Variants in DGCR8 observed in about 807,000 individuals in gnomAD.
DGCR8 encodes microprocessor complex subunit DGCR8.
A neutral mutation model predicts 78.5 loss-of-function variants in DGCR8; 14 were observed. That is an observed-to-expected ratio of 0.18 (90% CI 0.12 to 0.28). The LOEUF is 0.28. Ranked by LOEUF, DGCR8 falls within the 10% of genes least tolerant of loss-of-function variation. The pLI is 1.00. For synonymous variants in DGCR8, 399 were observed against 402.4 expected (o/e 0.99, Z 0.10); for missense variants, 702 against 1,022.5 (o/e 0.69, Z 4.28).
At position 20,087,020 on chromosome 22, in the gene DGCR8, G is replaced by A; in HGVS notation, c.721-142G>A. 8.9e-7 allele frequency: 1 copy of A among 1,122,146 alleles called. No homozygotes were observed. The highest frequency in any genetic ancestry group is 1.3e-6 in the Non-Finnish European group (1 of 791,532). 69.5% of individuals were successfully genotyped at this position (1,122,146 alleles called of 1,614,324 possible). A position where few individuals can be genotyped will look rare whatever the true frequency, so the allele number is the denominator to read the frequency against. On this transcript the variant is annotated intron_variant, in intron 2 of 13. Transcript: ENST00000351989. The surrounding 1 kb of genome is among the most constrained non-coding windows in gnomAD (Gnocchi z 4.1). ...GTAGCTTCATCCTGTTTGTTTTTCA[G>A]ATGATCATGCACCCTAAGGGCACAT... is the stretch of plus-strand genomic sequence containing the variant.
At chr22:20,106,141 T>C in intron 9 of DGCR8, 36 bp from the exon 10 acceptor site, 1 of 1,588,194 alleles carries the variant, frequency 6.3e-7, no homozygotes, top group South Asian at 1.1e-5. Flanking sequence ...CCGGTGGGCC[T>C]GGTGGGGACT....
At chr22:20,102,982 A>G (rs894498345) in intron 9 of DGCR8, among the ~76,000 whole-genome samples, 2 of 152,108 alleles carry the variant, frequency 1.3e-5, no homozygotes, top group Non-Finnish European at 2.9e-5. Flanking sequence ...AAATACAAAA[A>G]TTAGGTGGGC....
intron 9 of DGCR8, among the ~76,000 whole-genome samples, chr22:20,104,713 G>A (rs1223974468): frequency 2.0e-5 from 3 of 152,254 alleles, no homozygotes; most frequent in Admixed American, 1.3e-4. Context: ...GAGAGGAGCA[G>A]TGTCTTCTGG....
chr22:20,086,451 C>G lies in DGCR8; in HGVS notation c.488C>G (p.Pro163Arg), dbSNP rs767022640. ...GTCAGTGGGGACGTGCATGCTTGTCCCTTTGGCGGGAGTGTTGGTGACGGG... is the reference window on the plus strand; with the variant it reads ...GTCAGTGGGGACGTGCATGCTTGTCGCTTTGGCGGGAGTGTTGGTGACGGG... ...SPVSGDVHAC[P>R]FGGSVGDGVG... The change falls in exon 2 of 14, where the codon CCC (proline) becomes CGC (arginine). Residue 163 changes from proline to arginine, a missense_variant. Around this residue, in one of 4 missense-constraint regions of DGCR8, gnomAD observed 356 missense variants for 448.9 expected, o/e 0.79. Transcript: ENST00000351989. This position sits in a 1 kb window ranked among gnomAD's most constrained non-coding sequence, Gnocchi z 6.4. 1.2e-6 allele frequency: 2 copies of G among 1,613,810 alleles called. No individual in the cohort carries two copies. The highest frequency in any genetic ancestry group is 4.5e-5 in the East Asian group (2 of 44,856).
intron 9 of DGCR8, chr22:20,101,792 G>A: frequency 2.0e-6 from 2 of 985,378 alleles, no homozygotes; most frequent in South Asian, 9.4e-5. Context: ...CCTGTGCAGA[G>A]GTGCCAACAC....
In DGCR8 at chr22:20,087,239, A is replaced by C. The variant is rs776862705; in HGVS notation, c.798A>C (p.Lys266Asn). The C allele has an allele frequency of 5.6e-6, 9 of 1,614,104 alleles. No homozygotes were observed. Among genetic ancestry groups the C allele is most frequent in the Non-Finnish European group, 7.6e-6 (9 of 1,179,962 alleles). ...CAPKKRRTEE[K>N]YGGDSDHPSD... ...CCAAAAAGAGGCGAACAGAGGAAAA[A>C]TATGGCGGAGACAGCGACCATCCGT... Residue 266 changes from lysine (K) to asparagine (N), a missense_variant, in exon 3 of 14, where the codon AAA becomes AAC. By Grantham distance (94) the Lys-to-Asn change is moderately conservative (BLOSUM62 0). Around this residue, in one of 4 missense-constraint regions of DGCR8, gnomAD observed 356 missense variants for 448.9 expected, o/e 0.79. Coordinates refer to ENST00000351989, the MANE Select transcript of DGCR8 (RefSeq NM_022720.7). The surrounding 1 kb of genome is among the most constrained non-coding windows in gnomAD (Gnocchi z 4.1).
chr22:20,111,019 A>C lies in DGCR8; in HGVS notation c.*911A>C. ...GAGAGTAGAAGGTAGATTTGGAATC[A>C]TGCATTTTAGCAAGTGGACTTGTTG... On this transcript the variant is annotated 3_prime_UTR_variant, in exon 14 of 14. Transcript: ENST00000351989. 2.5e-6 allele frequency: 1 copy of C among 397,614 alleles called. No individual in the cohort carries two copies. The highest frequency in any genetic ancestry group is 4.4e-6 in the Non-Finnish European group (1 of 225,962). 24.6% of individuals were successfully genotyped at this position (397,614 alleles called of 1,614,324 possible). A position where few individuals can be genotyped will look rare whatever the true frequency, so the allele number is the denominator to read the frequency against.
rs2049850193 is a variant in DGCR8, at chr22:20,111,706, G to GCGGGGGCCCCCCC, written c.*1599_*1600insGGGGGCCCCCCCC. ...TGCCATACTCTTGTGGTCTCTGTGCGCCCCCCCCCCCCCCCCACCCGTCTG... is the reference window on the plus strand; with the variant it reads ...TGCCATACTCTTGTGGTCTCTGTGCGCGGGGGCCCCCCCCCCCCCCCCCCCCCCCACCCGTCTG... On this transcript the variant is annotated 3_prime_UTR_variant, in exon 14 of 14. Transcript: ENST00000351989. The GCGGGGGCCCCCCC allele has an allele frequency of 3.2e-5, 2 of 63,040 alleles. No individual in the cohort carries two copies. The highest frequency in any genetic ancestry group is 3.0e-5 in the Non-Finnish European group (1 of 33,560). The allele number at this position is 63,040 out of a possible 1,614,324, so 3.9% of individuals were successfully genotyped here.
intron 8 of DGCR8, among the ~76,000 whole-genome samples, chr22:20,093,705 A>G (rs965547555): frequency 1.3e-5 from 2 of 152,220 alleles, no homozygotes; most frequent in African/African-American, 4.8e-5. Context: ...GGCACAGCGC[A>G]GCTCTGGGAA....
At position 20,086,753 on chromosome 22, in the gene DGCR8, C is replaced by T; in HGVS notation, c.720+70C>T. On this transcript the variant is annotated intron_variant, in intron 2 of 13. Coordinates refer to ENST00000351989, the MANE Select transcript of DGCR8 (RefSeq NM_022720.7). The surrounding 1 kb of genome is among the most constrained non-coding windows in gnomAD (Gnocchi z 6.4). ...AAGAGAGATTTGGGAATTGCAGCAT[C>T]TTTTGAAAGCAGGGAAATTAAAAAA... 1 of 1,336,804 alleles carries T rather than the reference C, an allele frequency of 7.5e-7. No individual in the cohort carries two copies. The highest frequency in any genetic ancestry group is 1.0e-6 in the Non-Finnish European group (1 of 992,106). 82.8% of individuals were successfully genotyped at this position (1,336,804 alleles called of 1,614,324 possible).
In DGCR8 at chr22:20,110,456, C is replaced by T. The variant is rs573136455; in HGVS notation, c.*348C>T. 5 of 226,614 alleles carry T rather than the reference C, an allele frequency of 2.2e-5. No homozygotes were observed. Among genetic ancestry groups the T allele is most frequent in the South Asian group, 8.9e-5 (1 of 11,176 alleles). The allele number at this position is 226,614 out of a possible 1,614,324, so 14.0% of individuals were successfully genotyped here. ...TTCATGAATTTTAGTATGTAATACG[C>T]ACTGACGACACATGATGCTTGGATG... On this transcript the variant is annotated 3_prime_UTR_variant, in exon 14 of 14. Transcript: ENST00000351989.
At position 20,086,258 on chromosome 22, in the gene DGCR8, G is replaced by T; in HGVS notation, c.295G>T (p.Ala99Ser). Residue 99 changes from alanine (A) to serine (S), a missense_variant, in exon 2 of 14, where the codon GCC becomes TCC. Coordinates refer to ENST00000351989, the MANE Select transcript of DGCR8 (RefSeq NM_022720.7). This position sits in a 1 kb window ranked among gnomAD's most constrained non-coding sequence, Gnocchi z 6.4. ...CTGTAGTGGCCACAGCCCGCGCACC[G>T]CCCGGCACGCACCTGCGGTCCGGAA... ...PNCSGHSPRT[A>S]RHAPAVRKFS... 1 of 1,614,174 alleles carries T rather than the reference G, an allele frequency of 6.2e-7. No homozygotes were observed. The highest frequency in any genetic ancestry group is 8.5e-7 in the Non-Finnish European group (1 of 1,180,044).
chr22:20,103,086 C>T (rs1016513673), intron 9 of DGCR8, among the ~76,000 whole-genome samples: 4 of 151,278 alleles, frequency 2.6e-5, no homozygotes, highest in African/African-American at 9.7e-5. Flanking sequence ...GGCAGTGAGC[C>T]GAGATTGTGC....
At chr22:20,104,498 G>C (rs1402477236) in intron 9 of DGCR8, among the ~76,000 whole-genome samples, 1 of 152,142 alleles carries the variant, frequency 6.6e-6, no homozygotes, top group Non-Finnish European at 1.5e-5. Flanking sequence ...ACTTCTGAGC[G>C]TGCTCTCTAG....
rs778203316 is a variant in DGCR8 at position 20,085,858 on chromosome 22, G to T, written c.-106G>T. ...GACTAAGCCGCCAGCGCACAGCGCGGCAGGACGCGCCCGGGTCTCAGCGGA... is the reference window on the plus strand; with the variant it reads ...GACTAAGCCGCCAGCGCACAGCGCGTCAGGACGCGCCCGGGTCTCAGCGGA... On this transcript the variant is annotated 5_prime_UTR_variant, in exon 2 of 14. Coordinates refer to ENST00000351989, the MANE Select transcript of DGCR8 (RefSeq NM_022720.7). This position sits in a 1 kb window ranked among gnomAD's most constrained non-coding sequence, Gnocchi z 6.2. The T allele has an allele frequency of 1.3e-6, 2 of 1,498,394 alleles. No individual in the cohort carries two copies. Among genetic ancestry groups the T allele is most frequent in the Non-Finnish European group, 8.8e-7 (1 of 1,131,318 alleles). The allele number at this position is 1,498,394 out of a possible 1,614,324, so 92.8% of individuals were successfully genotyped here.
intron 9 of DGCR8, chr22:20,101,138 C>T: frequency 2.2e-6 from 2 of 930,146 alleles, no homozygotes; most frequent in Non-Finnish European, 2.6e-6. Flanking sequence ...ACAAACCTAG[C>T]ACTCAGGAAA....
At chr22:20,091,343 G>A (rs2049557254) in intron 5 of DGCR8, 92 bp from the exon 6 acceptor site, 4 of 1,287,090 alleles carry the variant, frequency 3.1e-6, no homozygotes, top group African/African-American at 2.9e-5. Flanking sequence ...ATAGTGTCAT[G>A]TGGCCTGGGC....
chr22:20,104,078 T>A (rs1162869508), intron 9 of DGCR8, among the ~76,000 whole-genome samples: 1 of 152,116 alleles, frequency 6.6e-6, no homozygotes, highest in Non-Finnish European at 1.5e-5. Context: ...AGCTGGAGCC[T>A]CCACCTGTCC....
intron 1 of DGCR8, among the ~76,000 whole-genome samples, chr22:20,081,700 C>T (rs2049419999): frequency 6.6e-6 from 1 of 152,234 alleles, no homozygotes; most frequent in African/African-American, 2.4e-5. Flanking sequence ...CCTGGCCTCT[C>T]TTCTGATTTC....
Sources: allele counts gnomAD v4.1 joint callset (sites outside exome capture counted in the v4.1 genomes callset), GRCh38; gene constraint gnomAD v4.1.1; regional missense constraint gnomAD v4.1.1; non-coding constraint Gnocchi (gnomAD v3.1); transcripts MANE v1.5; gene names NCBI Gene and HGNC (gene_info 2026-07-23, HGNC 2026-07-21).